SLC2A13: variants seen among roughly 807,000 people sequenced by gnomAD.
SLC2A13 encodes proton myo-inositol cotransporter.
A neutral mutation model predicts 64.4 loss-of-function variants in SLC2A13; 32 were observed. That is an observed-to-expected ratio of 0.50 (90% CI 0.37 to 0.67). The LOEUF is 0.67. Ranked by LOEUF, SLC2A13 falls within the 30% of genes least tolerant of loss-of-function variation. The pLI is 0.00. For missense variants in SLC2A13, 743 were observed against 829.2 expected (o/e 0.90, Z 1.28); for synonymous variants, 338 against 327.1 (o/e 1.03, Z -0.36).
intron 7 of SLC2A13, among the ~76,000 whole-genome samples, chr12:39,792,863 T>C (rs1424172846): frequency 1.3e-5 from 2 of 151,778 alleles, no homozygotes; most frequent in Non-Finnish European, 1.5e-5. Context: ...TGTTCTAGGG[T>C]CAACTGTATT....
chr12:39,812,497 G>T (rs1266446674), intron 7 of SLC2A13, among the ~76,000 whole-genome samples: 1 of 147,524 alleles, frequency 6.8e-6, no homozygotes, highest in Non-Finnish European at 1.5e-5. Context: ...TTGTGAGATA[G>T]ATGCTTGCTC....
chr12:40,077,424 C>A (rs552697462), intron 1 of SLC2A13, among the ~76,000 whole-genome samples: 1 of 152,246 alleles, frequency 6.6e-6, no homozygotes, highest in African/African-American at 2.4e-5. Flanking sequence ...TTCCCCATTG[C>A]TTGTTATTGT....
At chr12:39,837,437 CT>C (rs1430695745) in intron 6 of SLC2A13, among the ~76,000 whole-genome samples, 28 of 135,930 alleles carry the variant, frequency 2.1e-4, no homozygotes, top group African/African-American at 7.3e-4. Flanking sequence ...TGGGCAAGGA[CT>C]TCATGTCCAA....
At chr12:39,883,802 A>T (rs187255238) in intron 4 of SLC2A13, among the ~76,000 whole-genome samples, 5 of 152,332 alleles carry the variant, frequency 3.3e-5, no homozygotes, top group Non-Finnish European at 5.9e-5. Flanking sequence ...TATAACTCTG[A>T]ATCTCTACGG....
intron 4 of SLC2A13, among the ~76,000 whole-genome samples, chr12:39,918,527 G>C (rs937488005): frequency 2.6e-5 from 4 of 151,808 alleles, no homozygotes; most frequent in Non-Finnish European, 5.9e-5. Flanking sequence ...CATGTTATAG[G>C]GTGAAAAAGA....
At chr12:39,798,519 T>A (rs1393638592) in intron 7 of SLC2A13, among the ~76,000 whole-genome samples, 1 of 152,248 alleles carries the variant, frequency 6.6e-6, no homozygotes, top group Admixed American at 6.5e-5. Context: ...TATTAATTCA[T>A]CAAAAATTTA....
At chr12:39,975,146 C>G (rs941118885) in intron 3 of SLC2A13, among the ~76,000 whole-genome samples, 19 of 152,142 alleles carry the variant, frequency 1.2e-4, no homozygotes, top group Non-Finnish European at 2.9e-5. Context: ...TTTAGACAAA[C>G]AGACATGCAA....
chr12:40,079,224 T>A (rs910477692), intron 1 of SLC2A13, among the ~76,000 whole-genome samples: 1 of 152,214 alleles, frequency 6.6e-6, no homozygotes, highest in East Asian at 1.9e-4. Context: ...GGGTTGTTAA[T>A]CTGAGCTCTA....
At chr12:39,805,037 T>TGGAGGGAGAAGCCTGCC (rs1941928164) in intron 7 of SLC2A13, among the ~76,000 whole-genome samples, 1 of 151,968 alleles carries the variant, frequency 6.6e-6, no homozygotes, top group Admixed American at 6.5e-5. Context: ...AGAAGCCTGC[T>TGGAGGGAGAAGCCTGCC]GGAGGGAGAA....
intron 4 of SLC2A13, among the ~76,000 whole-genome samples, chr12:39,899,776 T>C (rs546245189): frequency 1.3e-5 from 2 of 152,180 alleles, no homozygotes; most frequent in Non-Finnish European, 2.9e-5. Flanking sequence ...TCAGTTTCCA[T>C]GTAGTTGAGC....
At chr12:39,962,649 G>A (rs1287834711) in intron 3 of SLC2A13, among the ~76,000 whole-genome samples, 1 of 152,142 alleles carries the variant, frequency 6.6e-6, no homozygotes, top group East Asian at 1.9e-4. Flanking sequence ...GTCATTCTTA[G>A]TGATATAATA....
chr12:39,962,193 T>C (rs1158674032), intron 3 of SLC2A13, among the ~76,000 whole-genome samples: 1 of 152,134 alleles, frequency 6.6e-6, no homozygotes, highest in Non-Finnish European at 1.5e-5. Flanking sequence ...CCGGTTCAAG[T>C]GATTCTCTTG....
chr12:39,783,831 G>A (rs957773024), intron 7 of SLC2A13, among the ~76,000 whole-genome samples: 8 of 152,236 alleles, frequency 5.3e-5, no homozygotes, highest in Non-Finnish European at 8.8e-5. Flanking sequence ...AAACCCCATC[G>A]TCGCAGCCTA....
At chr12:40,081,277 C>A (rs534785488) in intron 1 of SLC2A13, among the ~76,000 whole-genome samples, 2 of 152,306 alleles carry the variant, frequency 1.3e-5, no homozygotes, top group South Asian at 4.1e-4. Flanking sequence ...TTTTCCTGGA[C>A]AATATCCACA....
intron 3 of SLC2A13, among the ~76,000 whole-genome samples, chr12:39,960,824 T>C (rs1445775409): frequency 6.9e-6 from 1 of 144,380 alleles, no homozygotes; most frequent in African/African-American, 2.5e-5. Flanking sequence ...TTTGGCTCAC[T>C]GCAACCTCAG....
At chr12:40,103,158 T>C (rs1399927499) in intron 1 of SLC2A13, among the ~76,000 whole-genome samples, 1 of 152,178 alleles carries the variant, frequency 6.6e-6, no homozygotes, top group Non-Finnish European at 1.5e-5. Flanking sequence ...CCTCCACAGC[T>C]CTTGCACACC....
chr12:39,944,708 C>T (rs11514248), intron 4 of SLC2A13, among the ~76,000 whole-genome samples: 12,500 of 152,198 alleles, frequency 0.082, 649 homozygotes, highest in Admixed American at 0.1. Flanking sequence ...CCATTTTCTA[C>T]CCCTTTAAGT....
intron 4 of SLC2A13, among the ~76,000 whole-genome samples, chr12:39,872,549 G>A (rs1020951442): frequency 2.6e-5 from 4 of 152,180 alleles, no homozygotes; most frequent in South Asian, 2.1e-4. Flanking sequence ...GGGTACTCTG[G>A]TGAGCTAAGT....
intron 7 of SLC2A13, among the ~76,000 whole-genome samples, chr12:39,769,758 ACTC>A (rs567120322): frequency 0.011 from 1,623 of 151,592 alleles, 14 homozygotes; most frequent in Non-Finnish European, 0.017. Context: ...CAAATGTTCA[ACTC>A]CTCTCATATT....
Sources: allele counts gnomAD v4.1 joint callset (sites outside exome capture counted in the v4.1 genomes callset), GRCh38; gene constraint gnomAD v4.1.1; transcripts MANE v1.5; gene names NCBI Gene and HGNC (gene_info 2026-07-23, HGNC 2026-07-21).